The following SGCD variants were observed in gnomAD, a reference collection of about 807,000 sequenced individuals.
SGCD encodes delta-sarcoglycan.
A neutral mutation model predicts 36.6 loss-of-function variants in SGCD; 18 were observed. The ratio of observed to expected loss-of-function variants is 0.49; its 90% confidence interval spans 0.34 to 0.73. SGCD has a LOEUF of 0.73. SGCD is among the 30% of genes least tolerant of loss of function. The pLI is 0.01. For missense variants in SGCD, 387 were observed against 346.7 expected, an observed-to-expected ratio of 1.12 and a Z score of -0.92; for synonymous variants, 133 against 130.6, an observed-to-expected ratio of 1.02 and a Z score of -0.12.
rs112562153 is a variant in SGCD, at chr5:155,924,514, C to T, written c.-282+54090C>T. Among the ~76,000 whole-genome samples, 312 of 152,202 alleles carry T rather than the reference C, an allele frequency of 2.0e-3. 1 individual carries two copies. Among genetic ancestry groups the T allele is most frequent in the African/African-American group, 7.2e-3 (297 of 41,530 alleles). On this transcript the variant is annotated intron_variant, in intron 1 of 9. Coordinates refer to the SGCD transcript ENST00000517913. The stretch of plus-strand genomic sequence containing the variant: ...TGGTCTTCGATCTTAAAGAGCATGG[C>T]GTATAGTTGGGTAGATAAAACATGA...
intron 4 of SGCD, among the ~76,000 whole-genome samples, chr5:156,567,307 A>T (rs1759523302): frequency 6.9e-6 from 1 of 144,268 alleles, no homozygotes; most frequent in Admixed American, 6.9e-5. Context: ...GGATGGATGG[A>T]TGGATGAATT....
chr5:156,074,596 C>G (rs1760712873), intron 1 of SGCD, among the ~76,000 whole-genome samples: 1 of 152,058 alleles, frequency 6.6e-6, no homozygotes, highest in Non-Finnish European at 1.5e-5. Flanking sequence ...AGGAGAATCA[C>G]TTGAACCCAG....
intron 4 of SGCD, among the ~76,000 whole-genome samples, chr5:156,555,776 A>G (rs2312188): frequency 0.51 from 77,692 of 151,554 alleles, 20,457 homozygotes; most frequent in African/African-American, 0.62. Flanking sequence ...TAGATCAGTG[A>G]GAGTATTTCC....
chr5:156,252,508 G>A (rs1410716970), intron 3 of SGCD, among the ~76,000 whole-genome samples: 4 of 152,172 alleles, frequency 2.6e-5, no homozygotes, highest in African/African-American at 7.2e-5. Context: ...ATAATTATAG[G>A]TTTAATTGTC....
intron 1 of SGCD, among the ~76,000 whole-genome samples, chr5:156,071,418 A>T (rs1253014220): frequency 2.6e-5 from 4 of 152,174 alleles, no homozygotes; most frequent in African/African-American, 7.2e-5. Flanking sequence ...CAGGTTGTTC[A>T]GTTTCCATGT....
chr5:155,917,678 A>G (rs1756782149), intron 1 of SGCD, among the ~76,000 whole-genome samples: 1 of 152,168 alleles, frequency 6.6e-6, no homozygotes. Flanking sequence ...AGGCAGAAAG[A>G]CACCTTATCA....
chr5:155,998,557 G>A (rs998724827), intron 1 of SGCD, among the ~76,000 whole-genome samples: 2 of 151,960 alleles, frequency 1.3e-5, no homozygotes, highest in African/African-American at 4.8e-5. Context: ...ACAAACTGTG[G>A]TCCATTTATG....
chr5:156,369,570 C>G (rs895790362), intron 3 of SGCD, among the ~76,000 whole-genome samples: 3 of 152,198 alleles, frequency 2.0e-5, no homozygotes, highest in African/African-American at 7.2e-5. Flanking sequence ...TTGCATTTCA[C>G]TATGGTGCTT....
intron 3 of SGCD, among the ~76,000 whole-genome samples, chr5:156,297,038 T>C (rs924710605): frequency 5.9e-5 from 9 of 151,462 alleles, no homozygotes; most frequent in Non-Finnish European, 1.2e-4. Flanking sequence ...TAAATATATA[T>C]ATATATATGG....
chr5:156,702,925 T>A (rs1754583006), intron 7 of SGCD, among the ~76,000 whole-genome samples: 1 of 152,182 alleles, frequency 6.6e-6, no homozygotes. Context: ...ACTATCTCCC[T>A]CCAGAGCAAA....
chr5:156,502,239 G>C (rs1284127205), intron 3 of SGCD, among the ~76,000 whole-genome samples: 1 of 151,762 alleles, frequency 6.6e-6, no homozygotes, highest in Non-Finnish European at 1.5e-5. Flanking sequence ...GTAGAGACAG[G>C]GTTTCACCAT....
chr5:156,458,603 T>A, intron 3 of SGCD: 1 of 701,076 alleles, frequency 1.4e-6, no homozygotes, highest in Non-Finnish European at 2.5e-6. Flanking sequence ...AACCTCAGAT[T>A]TTTATTTGTA....
At chr5:156,097,327 A>G (rs189408399) in intron 1 of SGCD, among the ~76,000 whole-genome samples, 1 of 152,240 alleles carries the variant, frequency 6.6e-6, no homozygotes, top group East Asian at 1.9e-4. Context: ...CTAGGAGTTC[A>G]ACGATACAAA....
chr5:156,450,178 C>G (rs1330163921), intron 3 of SGCD, among the ~76,000 whole-genome samples: 1 of 152,146 alleles, frequency 6.6e-6, no homozygotes, highest in African/African-American at 2.4e-5. Flanking sequence ...CGGTAGGCTA[C>G]AGTCTGCATT....
At chr5:156,393,988 G>A in intron 3 of SGCD, 1 of 357,572 alleles carries the variant, frequency 2.8e-6, no homozygotes, top group East Asian at 7.4e-5. Context: ...AGACAAAGAT[G>A]CATCTAACTA....
chr5:156,714,588 A>C (rs1304134420), intron 7 of SGCD, among the ~76,000 whole-genome samples: 1 of 152,220 alleles, frequency 6.6e-6, no homozygotes, highest in Non-Finnish European at 1.5e-5. Context: ...ACAGAAACCT[A>C]AGCCTATGTT....
chr5:156,730,765 G>A (rs1756020350), intron 7 of SGCD, among the ~76,000 whole-genome samples: 1 of 152,014 alleles, frequency 6.6e-6, no homozygotes, highest in Non-Finnish European at 1.5e-5. Context: ...GGGTCAAATG[G>A]TAGTTCTGTC....
At chr5:156,081,928 G>T (rs1760965300) in intron 1 of SGCD, among the ~76,000 whole-genome samples, 1 of 152,122 alleles carries the variant, frequency 6.6e-6, no homozygotes, top group South Asian at 2.1e-4. Flanking sequence ...GGGAAAGGGG[G>T]ATAGGGAAAT....
intron 3 of SGCD, among the ~76,000 whole-genome samples, chr5:156,484,971 A>T (rs950952135): frequency 1.3e-5 from 2 of 152,238 alleles, no homozygotes; most frequent in Admixed American, 6.5e-5. Context: ...GAAAAGTGCC[A>T]GTAAAGTAAA....
Sources: allele counts gnomAD v4.1 joint callset (sites outside exome capture counted in the v4.1 genomes callset), GRCh38; gene constraint gnomAD v4.1.1; transcripts MANE v1.5; gene names NCBI Gene and HGNC (gene_info 2026-07-23, HGNC 2026-07-21).